Variants in PEX5L observed in about 807,000 individuals in gnomAD.
PEX5L encodes the protein PEX5-related protein.
In PEX5L, 30 loss-of-function variants were observed where a neutral mutation model predicts 84.0. The ratio of observed to expected loss-of-function variants is 0.36; its 90% confidence interval spans 0.27 to 0.48. PEX5L has a LOEUF of 0.48. Among genes scored for constraint, PEX5L ranks in the 20% least tolerant of loss-of-function variants. The pLI, the probability that PEX5L is intolerant of heterozygous loss-of-function variation, is 0.99. For synonymous variants in PEX5L, 270 were observed against 283.1 expected, an observed-to-expected ratio of 0.95 and a Z score of 0.46; for missense variants, 533 against 754.6, an observed-to-expected ratio of 0.71 and a Z score of 3.44.
intron 1 of PEX5L, among the ~76,000 whole-genome samples, chr3:180,014,397 G>A (rs986930438): frequency 1.3e-4 from 19 of 151,962 alleles, no homozygotes; most frequent in African/African-American, 2.4e-4. Context: ...GCGTGAACCC[G>A]GGAGGCGGAG....
intron 1 of PEX5L, among the ~76,000 whole-genome samples, chr3:180,024,396 T>C (rs1248579520): frequency 1.7e-5 from 2 of 114,782 alleles, no homozygotes; most frequent in South Asian, 6.0e-4. Context: ...AAAAAAAAAA[T>C]TAGCCGTGCG....
chr3:179,957,037 A>G (rs1193189979), intron 2 of PEX5L, among the ~76,000 whole-genome samples: 3 of 152,244 alleles, frequency 2.0e-5, no homozygotes, highest in Non-Finnish European at 4.4e-5. Context: ...CCTTGATTCA[A>G]TATAAGGAAA....
At chr3:179,970,101 A>G (rs1784361420) in intron 2 of PEX5L, among the ~76,000 whole-genome samples, 1 of 152,160 alleles carries the variant, frequency 6.6e-6, no homozygotes, top group Non-Finnish European at 1.5e-5. Flanking sequence ...GCAAAAAAGA[A>G]AGAAAGAAAA....
intron 11 of PEX5L, among the ~76,000 whole-genome samples, chr3:179,811,217 A>ATG (rs59791968): frequency 0.02 from 3,013 of 150,194 alleles, 54 homozygotes; most frequent in Non-Finnish European, 0.03. Flanking sequence ...TATGGAATGT[A>ATG]TGTGTGTGTG....
At chr3:179,901,926 A>T (rs981300903) in intron 2 of PEX5L, 1 of 152,226 alleles carries the variant, frequency 6.6e-6, no homozygotes, top group African/African-American at 2.4e-5. Context: ...TAAAATACAG[A>T]ACATAAGAAA....
At chr3:180,036,166 A>C (rs982496732) in intron 1 of PEX5L, among the ~76,000 whole-genome samples, 7 of 152,204 alleles carry the variant, frequency 4.6e-5, no homozygotes, top group Admixed American at 2.6e-4. Context: ...AGAGTGTTCT[A>C]AGTCAAGCAA....
chr3:180,011,529 C>A (rs1789483611), intron 1 of PEX5L, among the ~76,000 whole-genome samples: 1 of 152,098 alleles, frequency 6.6e-6, no homozygotes, highest in Non-Finnish European at 1.5e-5. Context: ...ACTAATGTAA[C>A]CTTATCCGTC....
rs1367628311 is a variant in PEX5L, at chr3:180,024,377, C to CAA, written c.21+12201_21+12202insTT. ...ATATATATATATATATATATATACA[C>CAA]ACACAAAAAAAAAAAAAATTAGCCG... On this transcript the variant is annotated intron_variant, in intron 1 of 14. Transcript: ENST00000467460. Among the ~76,000 whole-genome samples, 167 of 99,492 alleles carry CAA rather than the reference C, an allele frequency of 1.7e-3. 2 individuals are homozygous for CAA. Among genetic ancestry groups the CAA allele is most frequent in the African/African-American group, 7.2e-3 (158 of 22,072 alleles). The allele number at this position is 99,492 out of a possible 152,430, so 65.3% of individuals were successfully genotyped here.
chr3:179,971,930 T>C (rs1374588099), intron 1 of PEX5L, among the ~76,000 whole-genome samples: 1 of 152,196 alleles, frequency 6.6e-6, no homozygotes, highest in Non-Finnish European at 1.5e-5. Context: ...CTTCTCTTTT[T>C]AGTTCTATAG....
chr3:180,005,627 G>A (rs539650470), intron 1 of PEX5L, among the ~76,000 whole-genome samples: 2 of 152,146 alleles, frequency 1.3e-5, no homozygotes, highest in African/African-American at 2.4e-5. Context: ...TACTCGGGAC[G>A]CTGAGGCAGG....
intron 8 of PEX5L, among the ~76,000 whole-genome samples, chr3:179,841,338 C>A (rs1737213048): frequency 6.6e-6 from 1 of 152,188 alleles, no homozygotes; most frequent in Admixed American, 6.5e-5. Flanking sequence ...CACTTCCACT[C>A]CCTGTTCCAA....
intron 2 of PEX5L, among the ~76,000 whole-genome samples, chr3:179,911,264 T>C (rs1274112362): frequency 6.6e-6 from 1 of 152,210 alleles, no homozygotes; most frequent in African/African-American, 2.4e-5. Context: ...TGCTGAGGGA[T>C]ACCCTAGCCC....
chr3:179,874,361 G>A lies in PEX5L; in HGVS notation c.692C>T (p.Ser231Leu), dbSNP rs767955588. 5 of 1,612,414 alleles carry A rather than the reference G, an allele frequency of 3.1e-6. No individual in the cohort carries two copies. The highest frequency in any genetic ancestry group is 2.2e-5 in the East Asian group (1 of 44,780). ...SGGKSALNSE[S>L]ASELELVAPT... is the part of the protein sequence containing the mutation. Reference sequence around the variant, plus strand: ...AGCCACTAATTCCAATTCTGAAGCCGACTCAGAGTTGAGGGCGCTTTTTCC... The same window carrying A: ...AGCCACTAATTCCAATTCTGAAGCCAACTCAGAGTTGAGGGCGCTTTTTCC... The change falls in exon 7 of 15, where the codon TCG becomes TTG. Residue 231 changes from serine (S) to leucine (L), a missense_variant. Around this residue, in one of 8 missense-constraint regions of PEX5L, gnomAD observed 259 missense variants for 301.7 expected, o/e 0.86. Transcript: ENST00000467460.
chr3:179,821,620 G>C (rs1469319017), intron 8 of PEX5L, among the ~76,000 whole-genome samples: 1 of 152,208 alleles, frequency 6.6e-6, no homozygotes, highest in Admixed American at 6.5e-5. Flanking sequence ...TGCCCCTTTG[G>C]CAAAGGCCTC....
chr3:179,948,425 C>T (rs1171479893), intron 2 of PEX5L, among the ~76,000 whole-genome samples: 2 of 152,086 alleles, frequency 1.3e-5, no homozygotes, highest in Non-Finnish European at 2.9e-5. Flanking sequence ...TGGCTGTGGT[C>T]AGCAAGATGA....
intron 1 of PEX5L, chr3:179,973,072 T>C: frequency 2.9e-6 from 2 of 684,268 alleles, no homozygotes; most frequent in Non-Finnish European, 3.9e-6. Context: ...TTCTTTTTGT[T>C]CACTGGTTGC....
At chr3:179,983,445 A>G (rs1378904756) in intron 1 of PEX5L, among the ~76,000 whole-genome samples, 3 of 152,052 alleles carry the variant, frequency 2.0e-5, no homozygotes, top group Admixed American at 2.0e-4. Flanking sequence ...TTTGAAGGGA[A>G]CTGTGAAGTG....
chr3:179,804,917 G>A (rs1241640495), intron 14 of PEX5L, among the ~76,000 whole-genome samples: 3 of 152,140 alleles, frequency 2.0e-5, no homozygotes, highest in Admixed American at 2.0e-4. Context: ...TCAGGAGTTT[G>A]AGACAAGTCT....
At chr3:179,867,283 T>G (rs891995674) in intron 7 of PEX5L, among the ~76,000 whole-genome samples, 9 of 152,222 alleles carry the variant, frequency 5.9e-5, no homozygotes, top group African/African-American at 1.7e-4. Context: ...AAATTTTGGG[T>G]TTTTTTCCTG....
Sources: allele counts gnomAD v4.1 joint callset (sites outside exome capture counted in the v4.1 genomes callset), GRCh38; gene constraint gnomAD v4.1.1; regional missense constraint gnomAD v4.1.1; transcripts MANE v1.5; gene names NCBI Gene and HGNC (gene_info 2026-07-23, HGNC 2026-07-21).